The following RAB3B variants were observed in gnomAD, a reference collection of about 807,000 sequenced individuals.
The protein encoded by RAB3B is ras-related protein Rab-3B.
RAB3B carries 11 observed loss-of-function variants against 20.5 expected under a neutral mutation model. The observed-to-expected ratio is 0.54, with a 90% CI of 0.34 to 0.89. The LOEUF is 0.89. RAB3B is among the 40% of genes least tolerant of loss of function. RAB3B has a pLI of 0.02. For synonymous variants in RAB3B, 99 were observed against 106.3 expected (o/e 0.93, Z 0.42); for missense variants, 225 against 280.9 (o/e 0.80, Z 1.42).
At chr1:51,988,688 A>C (rs1210135397) in intron 1 of RAB3B, among the ~76,000 whole-genome samples, 2 of 152,226 alleles carry the variant, frequency 1.3e-5, no homozygotes, top group South Asian at 4.1e-4. Flanking sequence ...ACATTCACCA[A>C]GCACCTACTA....
At chr1:51,963,423 C>T (rs2124292415) in intron 2 of RAB3B, among the ~76,000 whole-genome samples, 1 of 152,256 alleles carries the variant, frequency 6.6e-6, no homozygotes, top group South Asian at 2.1e-4. Context: ...CTCAGCAAAA[C>T]CACACTTTAC....
Position 51,910,821 on chromosome 1 carries a change from T to C in RAB3B, c.*9106A>G, listed in dbSNP as rs1258043312. 6.6e-6 allele frequency: 1 copy of C among 152,138 alleles called. No homozygotes were observed. The highest frequency in any genetic ancestry group is 6.6e-5 in the Admixed American group (1 of 15,264). 9.4% of individuals were successfully genotyped at this position (152,138 alleles called of 1,614,324 possible). On this transcript the variant is annotated 3_prime_UTR_variant, in exon 5 of 5. Transcript: ENST00000371655. ...GTCCACTGTTAACCCCAGAAACAGATGCATTTGAATCTGAAAGGAGACAGG... is the reference window on the plus strand; with the variant it reads ...GTCCACTGTTAACCCCAGAAACAGACGCATTTGAATCTGAAAGGAGACAGG...
intron 4 of RAB3B, among the ~76,000 whole-genome samples, chr1:51,932,066 C>T (rs933840701): frequency 1.3e-5 from 2 of 152,118 alleles, no homozygotes; most frequent in African/African-American, 4.8e-5. Flanking sequence ...CCCAACCTCC[C>T]TGTTTATTAA....
At chr1:51,942,152 C>T (rs1269970466) in intron 2 of RAB3B, among the ~76,000 whole-genome samples, 2 of 152,178 alleles carry the variant, frequency 1.3e-5, no homozygotes, top group Non-Finnish European at 2.9e-5. Context: ...GGAATTAAGC[C>T]ACTCTTCCTG....
At chr1:51,954,508 G>A (rs1482656283) in intron 2 of RAB3B, among the ~76,000 whole-genome samples, 1 of 152,150 alleles carries the variant, frequency 6.6e-6, no homozygotes, top group Non-Finnish European at 1.5e-5. Context: ...GTAAGCACTG[G>A]CAGTTGCTAT....
intron 2 of RAB3B, among the ~76,000 whole-genome samples, chr1:51,958,286 C>T (rs1935294): frequency 0.22 from 32,838 of 152,032 alleles, 4,307 homozygotes; most frequent in Non-Finnish European, 0.29. Context: ...AAAGTACAAC[C>T]CTTTACCCTC....
chr1:51,980,333 C>G (rs1370879926), intron 1 of RAB3B: 1 of 296,470 alleles, frequency 3.4e-6, no homozygotes, highest in South Asian at 3.6e-5. Flanking sequence ...GAGGCTGAAG[C>G]AGGAGTATTA....
rs1557974416 is a variant in RAB3B, at chr1:51,967,525, T to TTTTTTTTTTCTTTTTTC, written c.228+9364_228+9365insGAAAAAAGAAAAAAAAA. ...TTTTTCTTTTCTTTTCTTTTTCTTT[T>TTTTTTTTTTCTTTTTTC]TTTTTTTTTTTTTTGAGATAGGATC... On this transcript the variant is annotated intron_variant, in intron 2 of 4. Coordinates refer to ENST00000371655, the MANE Select transcript of RAB3B (RefSeq NM_002867.4). Among the ~76,000 whole-genome samples the TTTTTTTTTTCTTTTTTC allele has an allele frequency of 5.4e-4, 38 of 70,202 alleles. 4 individuals are homozygous for TTTTTTTTTTCTTTTTTC. The highest frequency in any genetic ancestry group is 1.4e-3 in the African/African-American group (35 of 25,410). The allele number at this position is 70,202 out of a possible 152,430, so 46.1% of individuals were successfully genotyped here.
chr1:51,983,564 C>A (rs1340720128), intron 1 of RAB3B, among the ~76,000 whole-genome samples: 1 of 152,040 alleles, frequency 6.6e-6, no homozygotes, highest in African/African-American at 2.4e-5. Flanking sequence ...ACTATGAAAT[C>A]GGCTAATGAC....
At position 51,919,715 on chromosome 1, in the gene RAB3B, G is replaced by A; in HGVS notation, c.*212C>T. On this transcript the variant is annotated 3_prime_UTR_variant, in exon 5 of 5. Coordinates refer to ENST00000371655, the MANE Select transcript of RAB3B (RefSeq NM_002867.4). Reference sequence around the variant, plus strand: ...TAAAGTGATTCTGCACCCGTGTAGTGACCTGTTATGTTAGTCTAGTGCTGA... The same window carrying A: ...TAAAGTGATTCTGCACCCGTGTAGTAACCTGTTATGTTAGTCTAGTGCTGA... The A allele has an allele frequency of 2.1e-6, 1 of 473,514 alleles. No individual in the cohort carries two copies. Among genetic ancestry groups the A allele is most frequent in the Non-Finnish European group, 3.7e-6 (1 of 267,700 alleles). The allele number at this position is 473,514 out of a possible 1,614,324, so 29.3% of individuals were successfully genotyped here.
intron 2 of RAB3B, among the ~76,000 whole-genome samples, chr1:51,968,616 C>A (rs1184999301): frequency 6.6e-6 from 1 of 152,186 alleles, no homozygotes; most frequent in African/African-American, 2.4e-5. Flanking sequence ...TTACCTTTCC[C>A]ACATTCCTAC....
In RAB3B at chr1:51,949,418, A is replaced by T. The variant is rs534155850; in HGVS notation, c.229-12006T>A. ...GCTCACAGAAGGAGACACCCCATCA[A>T]CTCTGGCCCTCAGGGCTGCAACTGA... On this transcript the variant is annotated intron_variant, in intron 2 of 4. Coordinates refer to ENST00000371655, the MANE Select transcript of RAB3B (RefSeq NM_002867.4). Among the ~76,000 whole-genome samples, 3 of 152,042 alleles carry T rather than the reference A, an allele frequency of 2.0e-5. No homozygotes were observed. The South Asian group carries it at 6.2e-4, about 32-fold the overall frequency.
At chr1:51,938,129 T>C (rs780820246) in intron 2 of RAB3B, among the ~76,000 whole-genome samples, 19 of 151,190 alleles carry the variant, frequency 1.3e-4, no homozygotes, top group Non-Finnish European at 2.4e-4. Context: ...AGTCTCCGAG[T>C]AGCTGGGATT....
chr1:51,969,503 G>A (rs534637095), intron 2 of RAB3B, among the ~76,000 whole-genome samples: 31 of 152,276 alleles, frequency 2.0e-4, no homozygotes, highest in Admixed American at 1.3e-3. Context: ...AGCGGCCCAC[G>A]TTGGCCTATG....
intron 2 of RAB3B, among the ~76,000 whole-genome samples, chr1:51,976,359 G>T (rs75679078): frequency 1.2e-3 from 184 of 152,048 alleles, no homozygotes; most frequent in African/African-American, 4.1e-3. Context: ...GAGAGATGAG[G>T]TCTCACAATG....
In RAB3B at chr1:51,930,691, C is replaced by T. The variant is rs113898968; in HGVS notation, c.472+2627G>A. Among the ~76,000 whole-genome samples, 698 of 152,194 alleles carry T rather than the reference C, an allele frequency of 4.6e-3. 11 individuals are homozygous for T. Among genetic ancestry groups the T allele is most frequent in the African/African-American group, 0.016 (675 of 41,490 alleles). On this transcript the variant is annotated intron_variant, in intron 4 of 4. Coordinates refer to ENST00000371655, the MANE Select transcript of RAB3B (RefSeq NM_002867.4). Reference sequence around the variant, plus strand: ...ATAGTGCCTGACACATGGTAAGCACCTAATAAATGTTTAACCAATTCACCT... The same window carrying T: ...ATAGTGCCTGACACATGGTAAGCACTTAATAAATGTTTAACCAATTCACCT...
intron 1 of RAB3B, among the ~76,000 whole-genome samples, chr1:51,987,011 C>T (rs1010004322): frequency 1.3e-5 from 2 of 152,210 alleles, no homozygotes; most frequent in African/African-American, 4.8e-5. Flanking sequence ...GAGCTATCTC[C>T]GTGACAAGCA....
At position 51,920,917 on chromosome 1, in the gene RAB3B, T is replaced by C. The variant is rs561847516; in HGVS notation, c.473-803A>G. Among the ~76,000 whole-genome samples, 9 of 152,208 alleles carry C rather than the reference T, an allele frequency of 5.9e-5. No homozygotes were observed. The East Asian group carries it at 1.7e-3, about 29-fold the overall frequency. On this transcript the variant is annotated intron_variant, in intron 4 of 4. Coordinates refer to ENST00000371655, the MANE Select transcript of RAB3B (RefSeq NM_002867.4). ...CCTGAATTCCACTAAAACGATCCAA[T>C]AGATCTCACCCTCCCTCCACAAACC...
chr1:51,919,721 TTA>T lies in RAB3B; in HGVS notation c.*204_*205del. ...GATTCTGCACCCGTGTAGTGACCTG[TTA>T]TGTTAGTCTAGTGCTGAGTATCTAT... is the stretch of plus-strand genomic sequence containing the variant. On this transcript the variant is annotated 3_prime_UTR_variant, in exon 5 of 5. Transcript: ENST00000371655. 2 of 484,394 alleles carry T rather than the reference TTA, an allele frequency of 4.1e-6. No homozygotes were observed. The highest frequency in any genetic ancestry group is 9.2e-5 in the South Asian group (2 of 21,722). 30.0% of individuals were successfully genotyped at this position (484,394 alleles called of 1,614,324 possible). A position where few individuals can be genotyped will look rare whatever the true frequency, so the allele number is the denominator to read the frequency against.
Sources: allele counts gnomAD v4.1 joint callset (sites outside exome capture counted in the v4.1 genomes callset), GRCh38; gene constraint gnomAD v4.1.1; transcripts MANE v1.5; gene names NCBI Gene and HGNC (gene_info 2026-07-23, HGNC 2026-07-21).